The following TRHDE variants were observed in gnomAD, a reference collection of about 807,000 sequenced individuals.
TRHDE encodes thyrotropin releasing hormone degrading enzyme.
TRHDE carries 72 observed loss-of-function variants against 125.7 expected under a neutral mutation model. That is an observed-to-expected ratio of 0.57 (90% CI 0.47 to 0.70). The LOEUF (loss-of-function observed/expected upper bound fraction) is 0.70, where lower values mean the gene tolerates loss of function less well. Among genes scored for constraint, TRHDE ranks in the 30% least tolerant of loss-of-function variants. TRHDE has a pLI of 0.00. For synonymous variants in TRHDE, 509 were observed against 509.1 expected (o/e 1.00, Z 0.00); for missense variants, 1,110 against 1,327.1 (o/e 0.84, Z 2.54).
At chr12:72,595,309 T>C (rs1328384289) in intron 12 of TRHDE, among the ~76,000 whole-genome samples, 1 of 151,784 alleles carries the variant, frequency 6.6e-6, no homozygotes, top group East Asian at 1.9e-4. Context: ...AAAAACAAAA[T>C]AAAGGATATT....
intron 2 of TRHDE, among the ~76,000 whole-genome samples, chr12:72,223,930 T>A (rs1878050922): frequency 6.6e-6 from 1 of 151,936 alleles, no homozygotes; most frequent in Admixed American, 6.6e-5. Context: ...TTCTTACTTT[T>A]TTTTTTTCTG....
chr12:72,206,344 C>G lies in TRHDE; in HGVS notation n.279+100592C>G, dbSNP rs529480810. On this transcript the variant is annotated intron_variant and non_coding_transcript_variant, in intron 2 of 4. Transcript: ENST00000548156. ...CTGACCTCAGGCGATCCGCCTGCCTCGACCTTCCAAAGTGCTAGGATTATA... is the reference window on the plus strand; with the variant it reads ...CTGACCTCAGGCGATCCGCCTGCCTGGACCTTCCAAAGTGCTAGGATTATA... Among the ~76,000 whole-genome samples the G allele has an allele frequency of 9.9e-5, 15 of 152,222 alleles. No homozygotes were observed. In the South Asian group the frequency reaches 2.3e-3, roughly 23 times the overall value.
At chr12:72,381,951 G>A (rs1174847951) in intron 3 of TRHDE, among the ~76,000 whole-genome samples, 1 of 152,100 alleles carries the variant, frequency 6.6e-6, no homozygotes, top group Non-Finnish European at 1.5e-5. Context: ...GACTAGAGAG[G>A]TACATTTGCC....
At position 72,273,039 on chromosome 12, in the gene TRHDE, C is replaced by G; in HGVS notation, c.396C>G (p.Gly132=). ...GCCCCTCAGGCTTTCCGGAGCGCGGCGGCAACGGGAGCCTCCCTGGATCGG... is the reference window on the plus strand; with the variant it reads ...GCCCCTCAGGCTTTCCGGAGCGCGGGGGCAACGGGAGCCTCCCTGGATCGG... ...DGGPSGFPER[G]GNGSLPGSAR... The change falls in exon 1 of 19, where the codon GGC becomes GGG. Residue 132 remains glycine, a synonymous_variant. Transcript: ENST00000261180. The surrounding 1 kb of genome is among the most constrained non-coding windows in gnomAD (Gnocchi z 5.3). The G allele has an allele frequency of 6.5e-7, 1 of 1,536,778 alleles. No homozygotes were observed. The highest frequency in any genetic ancestry group is 8.7e-7 in the Non-Finnish European group (1 of 1,146,682).
chr12:72,530,491 A>G (rs1438810162), intron 6 of TRHDE, among the ~76,000 whole-genome samples: 1 of 121,950 alleles, frequency 8.2e-6, no homozygotes, highest in Non-Finnish European at 1.6e-5. Context: ...GAGGAACTTA[A>G]TTACTTTTCT....
chr12:72,136,636 A>G (rs762484479), intron 2 of TRHDE, among the ~76,000 whole-genome samples: 3 of 152,242 alleles, frequency 2.0e-5, no homozygotes, highest in African/African-American at 4.8e-5. Flanking sequence ...GCAATTTAGT[A>G]CTTTGCTGAT....
intron 12 of TRHDE, among the ~76,000 whole-genome samples, chr12:72,589,101 G>A (rs1304652222): frequency 1.3e-5 from 2 of 152,138 alleles, no homozygotes; most frequent in South Asian, 2.1e-4. Flanking sequence ...ACAGCAAAAC[G>A]ATATCACCTG....
chr12:72,394,104 G>A (rs930879324), intron 3 of TRHDE, among the ~76,000 whole-genome samples: 1 of 152,120 alleles, frequency 6.6e-6, no homozygotes. Context: ...TTGACTTGGA[G>A]ACCTTAAAAT....
chr12:72,397,540 C>A (rs1043934366), intron 3 of TRHDE, among the ~76,000 whole-genome samples: 1 of 152,180 alleles, frequency 6.6e-6, no homozygotes, highest in Non-Finnish European at 1.5e-5. Flanking sequence ...ATCCCTGTTA[C>A]CTTGCTGACC....
intron 6 of TRHDE, among the ~76,000 whole-genome samples, chr12:72,519,964 G>T (rs923567954): frequency 6.6e-6 from 1 of 152,220 alleles, no homozygotes; most frequent in Non-Finnish European, 1.5e-5. Flanking sequence ...GGGGTCAGGG[G>T]TCAGGGACCC....
intron 2 of TRHDE, among the ~76,000 whole-genome samples, chr12:72,355,237 T>C (rs1265959708): frequency 6.6e-6 from 1 of 151,238 alleles, no homozygotes; most frequent in Non-Finnish European, 1.5e-5. Context: ...GAAATAGGGG[T>C]GAGAAATTTG....
chr12:72,197,584 G>A (rs1306948646), intron 2 of TRHDE, among the ~76,000 whole-genome samples: 1 of 152,088 alleles, frequency 6.6e-6, no homozygotes, highest in Non-Finnish European at 1.5e-5. Flanking sequence ...AATCTGAAAT[G>A]TTTACTATGG....
intron 2 of TRHDE, among the ~76,000 whole-genome samples, chr12:72,113,800 G>A (rs2367869): frequency 1.3e-5 from 2 of 151,896 alleles, no homozygotes; most frequent in African/African-American, 2.4e-5. Context: ...TGATATTATG[G>A]TATTGGGAAG....
At position 72,403,175 on chromosome 12, in the gene TRHDE, A is replaced by G. The variant is rs151027168; in HGVS notation, c.1315+25054A>G. Among the ~76,000 whole-genome samples, 182 of 152,318 alleles carry G rather than the reference A, an allele frequency of 1.2e-3. 1 individual carries two copies. Among genetic ancestry groups the G allele is most frequent in the African/African-American group, 4.3e-3 (178 of 41,574 alleles). On this transcript the variant is annotated intron_variant, in intron 3 of 18. Coordinates refer to ENST00000261180, the MANE Select transcript of TRHDE (RefSeq NM_013381.3). ...ACAATCTAGTGGCATGGACAAAGAG[A>G]CACATGATACATAATGTGGCAAGGA... is the stretch of plus-strand genomic sequence containing the variant.
chr12:72,464,555 A>G (rs1298885636), intron 3 of TRHDE, among the ~76,000 whole-genome samples: 1 of 152,200 alleles, frequency 6.6e-6, no homozygotes, highest in Non-Finnish European at 1.5e-5. Flanking sequence ...AAAACAAAAC[A>G]ACACAGAAGC....
chr12:72,591,916 T>C (rs1871703523), intron 12 of TRHDE, among the ~76,000 whole-genome samples: 1 of 152,086 alleles, frequency 6.6e-6, no homozygotes, highest in African/African-American at 2.4e-5. Flanking sequence ...ATTCAAAGTG[T>C]GATTTTTATC....
At chr12:72,101,168 C>T (rs1875057402) in intron 1 of TRHDE, among the ~76,000 whole-genome samples, 2 of 152,312 alleles carry the variant, frequency 1.3e-5, no homozygotes, top group South Asian at 4.1e-4. Context: ...AATGTAAATA[C>T]TGACCTGGGG....
At chr12:72,631,473 C>A (rs926077621) in intron 15 of TRHDE, among the ~76,000 whole-genome samples, 6 of 151,848 alleles carry the variant, frequency 4.0e-5, no homozygotes, top group African/African-American at 1.4e-4. Context: ...TTAATTATAT[C>A]AGTATTCCTT....
intron 6 of TRHDE, among the ~76,000 whole-genome samples, chr12:72,514,995 C>T (rs1434689962): frequency 6.7e-6 from 1 of 148,760 alleles, no homozygotes; most frequent in Non-Finnish European, 1.5e-5. Context: ...GCATAGTATT[C>T]CATGGTGTAT....
Sources: gnomAD v4.1 joint callset for allele counts (sites outside exome capture counted in the v4.1 genomes callset) on GRCh38, gnomAD v4.1.1 for gene constraint, Gnocchi (gnomAD v3.1) non-coding constraint, MANE v1.5 for transcripts, NCBI Gene and HGNC (gene_info 2026-07-23, HGNC 2026-07-21) for gene names.